SRPK2: variants seen among roughly 807,000 people sequenced by gnomAD.
The protein encoded by SRPK2 is SFRS protein kinase 2.
SRPK2 carries 21 observed loss-of-function variants against 90.8 expected under a neutral mutation model. The ratio of observed to expected loss-of-function variants is 0.23; its 90% CI spans 0.16 to 0.33. The LOEUF is 0.33. Ranked by LOEUF, SRPK2 falls within the 10% of genes least tolerant of loss-of-function variation. SRPK2 has a pLI of 1.00. For synonymous variants in SRPK2, 288 were observed against 311.1 expected, an observed-to-expected ratio of 0.93 and a Z score of 0.78; for missense variants, 620 against 869.0, an observed-to-expected ratio of 0.71 and a Z score of 3.60.
At chr7:105,220,344 T>C (rs1050935940) in intron 2 of SRPK2, among the ~76,000 whole-genome samples, 4 of 151,926 alleles carry the variant, frequency 2.6e-5, no homozygotes, top group African/African-American at 9.7e-5. Flanking sequence ...CTGGCCAACA[T>C]GGTAAAATCC....
chr7:105,294,014 C>T (rs1436959112), intron 2 of SRPK2, among the ~76,000 whole-genome samples: 1 of 152,158 alleles, frequency 6.6e-6, no homozygotes, highest in African/African-American at 2.4e-5. Flanking sequence ...AGGGGGCACA[C>T]CTAATCCAAT....
rs1470783902 is a variant in SRPK2, at chr7:105,246,920, C to T, written c.72-43135G>A. On this transcript the variant is annotated intron_variant, in intron 2 of 15. Transcript: ENST00000393651. ...AGCTTTTCCCTTTTTGTGAACAGCT[C>T]ATAGCTCAAATTCTTCCAAGAGCCA... 4.6e-5 allele frequency among the ~76,000 whole-genome samples: 7 copies of T among 152,264 alleles called. No homozygotes were observed. In the East Asian group the frequency reaches 1.3e-3, roughly 29 times the overall value.
At chr7:105,390,210 C>G (rs920702009), upstream of SRPK2, among the ~76,000 whole-genome samples, 2 of 152,138 alleles carry the variant, frequency 1.3e-5, no homozygotes, top group Non-Finnish European at 2.9e-5. Context: ...TCCATGATCA[C>G]TCCAAGAAAC....
intron 3 of SRPK2, among the ~76,000 whole-genome samples, chr7:105,177,858 T>C (rs980160371): frequency 6.6e-6 from 1 of 151,626 alleles, no homozygotes; most frequent in Admixed American, 6.6e-5. Context: ...TCATCTCTAC[T>C]AAAAATACAA....
intron 2 of SRPK2, among the ~76,000 whole-genome samples, chr7:105,377,744 T>C (rs962147211): frequency 6.6e-6 from 1 of 152,096 alleles, no homozygotes; most frequent in African/African-American, 2.4e-5. Flanking sequence ...AAAGTCACCA[T>C]TAATTTTTCC....
In SRPK2 at chr7:105,248,821, T is replaced by G. The variant is rs1802084618; in HGVS notation, c.72-45036A>C. On this transcript the variant is annotated intron_variant, in intron 2 of 15. Transcript: ENST00000393651. ...TTAGCCGGGTGTGGTGTTGGGCGCC[T>G]GGGCTGAGGCAGGAGAACGGCGTGA... Among the ~76,000 whole-genome samples, 2 of 148,626 alleles carry G rather than the reference T, an allele frequency of 1.3e-5. 1 individual carries two copies. Among genetic ancestry groups the G allele is most frequent in the Admixed American group, 1.4e-4 (2 of 14,682 alleles).
intron 2 of SRPK2, among the ~76,000 whole-genome samples, chr7:105,358,610 C>T (rs867908285): frequency 6.6e-6 from 1 of 151,724 alleles, no homozygotes; most frequent in Non-Finnish European, 1.5e-5. Context: ...CACCTGAGCC[C>T]GGGAGGCAAA....
chr7:105,164,776 T>C (rs1418848565), intron 6 of SRPK2, among the ~76,000 whole-genome samples: 2 of 152,222 alleles, frequency 1.3e-5, no homozygotes, highest in Non-Finnish European at 2.9e-5. Flanking sequence ...TGGATGTCAT[T>C]TTGGAGTTTA....
chr7:105,205,104 C>G (rs1222440376), intron 2 of SRPK2, among the ~76,000 whole-genome samples: 1 of 152,164 alleles, frequency 6.6e-6, no homozygotes. Context: ...CAACCACTGC[C>G]TCTTCTAAAC....
chr7:105,278,494 T>G (rs1585498826), intron 2 of SRPK2, among the ~76,000 whole-genome samples: 1 of 137,470 alleles, frequency 7.3e-6, no homozygotes, highest in Admixed American at 7.8e-5. Flanking sequence ...GCCAACACGG[T>G]GAACCCCATC....
chr7:105,227,581 T>C (rs1798865754), intron 2 of SRPK2, among the ~76,000 whole-genome samples: 1 of 152,046 alleles, frequency 6.6e-6, no homozygotes, highest in Admixed American at 6.5e-5. Context: ...TGCTAACAAG[T>C]GTTGGTGAGG....
chr7:105,235,184 C>T (rs1442073475), intron 2 of SRPK2, among the ~76,000 whole-genome samples: 2 of 152,100 alleles, frequency 1.3e-5, no homozygotes, highest in Non-Finnish European at 2.9e-5. Context: ...TATTTGGCAA[C>T]GGCTCCCACC....
At chr7:105,242,812 G>A (rs886793975) in intron 2 of SRPK2, among the ~76,000 whole-genome samples, 1 of 152,110 alleles carries the variant, frequency 6.6e-6, no homozygotes, top group African/African-American at 2.4e-5. Flanking sequence ...AGGCAAGCCG[G>A]ATCTCCAATC....
In SRPK2 at chr7:105,170,790, A is replaced by AC. The variant is rs1554435316; in HGVS notation, c.230-1526_230-1525insG. Among the ~76,000 whole-genome samples the AC allele has an allele frequency of 3.6e-3, 251 of 70,420 alleles. 27 individuals carry two copies. Among genetic ancestry groups the AC allele is most frequent in the African/African-American group, 0.017 (241 of 14,558 alleles). The allele number at this position is 70,420 out of a possible 152,430, so 46.2% of individuals were successfully genotyped here. ...AAGGAAGGAAGGAAGGACGGGAGGGAGGGAGGGAGGGAGGGAGAGAGAGAG... is the reference window on the plus strand; with the variant it reads ...AAGGAAGGAAGGAAGGACGGGAGGGACGGGAGGGAGGGAGGGAGAGAGAGAG... On this transcript the variant is annotated intron_variant, in intron 3 of 15. Coordinates refer to ENST00000393651, the MANE Select transcript of SRPK2 (RefSeq NM_182692.3).
intron 2 of SRPK2, among the ~76,000 whole-genome samples, chr7:105,331,368 A>G (rs948484255): frequency 6.7e-6 from 1 of 150,080 alleles, no homozygotes; most frequent in Non-Finnish European, 1.5e-5. Flanking sequence ...AATCTGGATC[A>G]TATTTCACAC....
chr7:105,325,715 G>C (rs1244596085), intron 2 of SRPK2, among the ~76,000 whole-genome samples: 2 of 152,152 alleles, frequency 1.3e-5, no homozygotes, highest in East Asian at 3.9e-4. Context: ...AGGCACAGTA[G>C]CAGTAGTGCC....
chr7:105,314,159 C>T (rs969071154), intron 2 of SRPK2, among the ~76,000 whole-genome samples: 2 of 151,760 alleles, frequency 1.3e-5, no homozygotes, highest in Admixed American at 6.6e-5. Context: ...GGTGAAACCC[C>T]GTCTCTACTA....
intron 2 of SRPK2, among the ~76,000 whole-genome samples, chr7:105,291,823 T>A (rs939322105): frequency 6.6e-6 from 1 of 152,090 alleles, no homozygotes; most frequent in African/African-American, 2.4e-5. Flanking sequence ...AGCATGAATA[T>A]AAAGAAAAAA....
intron 3 of SRPK2, among the ~76,000 whole-genome samples, chr7:105,192,967 G>C (rs964403746): frequency 4.6e-5 from 7 of 152,068 alleles, no homozygotes; most frequent in African/African-American, 1.7e-4. Flanking sequence ...AGATTGTGAA[G>C]ATTTTCTCCT....
Sources: gnomAD v4.1 joint callset for allele counts (sites outside exome capture counted in the v4.1 genomes callset) on GRCh38, gnomAD v4.1.1 for gene constraint, MANE v1.5 for transcripts, NCBI Gene and HGNC (gene_info 2026-07-23, HGNC 2026-07-21) for gene names.